The following PHF21B variants were observed in gnomAD, a reference collection of about 807,000 sequenced individuals.
PHF21B encodes PHD finger protein 4.
A neutral mutation model predicts 62.2 loss-of-function variants in PHF21B; 22 were observed. The ratio of observed to expected loss-of-function variants is 0.35; its 90% CI spans 0.25 to 0.51. The LOEUF (loss-of-function observed/expected upper bound fraction) is 0.51. Among genes scored for constraint, PHF21B ranks in the 20% least tolerant of loss-of-function variants. PHF21B has a pLI of 0.97. For missense variants in PHF21B, 701 were observed against 707.9 expected, an observed-to-expected ratio of 0.99 and a Z score of 0.11; for synonymous variants, 341 against 314.7, an observed-to-expected ratio of 1.08 and a Z score of -0.88.
At chr22:44,999,010 C>T (rs1466374745) in intron 2 of PHF21B, among the ~76,000 whole-genome samples, 1 of 152,196 alleles carries the variant, frequency 6.6e-6, no homozygotes, top group Non-Finnish European at 1.5e-5. Flanking sequence ...GGATACCCTC[C>T]TTTCTGCCAT....
chr22:44,960,961 T>C (rs867340832), intron 2 of PHF21B, among the ~76,000 whole-genome samples: 1 of 140,330 alleles, frequency 7.1e-6, no homozygotes, highest in African/African-American at 3.1e-5. Context: ...AGTTGATTTT[T>C]TTTTTTTTTT....
rs549041407 is a variant in PHF21B at position 44,915,709 on chromosome 22, G to T, written c.564+571C>A. Among the ~76,000 whole-genome samples the T allele has an allele frequency of 3.3e-5, 5 of 152,374 alleles. No homozygotes were observed. In the East Asian group the frequency reaches 5.8e-4, roughly 18 times the overall value. On this transcript the variant is annotated intron_variant, in intron 4 of 12. Transcript: ENST00000313237. The stretch of plus-strand genomic sequence containing the variant: ...GCAGACCCCAAATGGGGAACAGAGA[G>T]AAAGAGGCCACAGACAGGGGACGGC...
intron 4 of PHF21B, 32 bp from the exon 5 acceptor site, chr22:44,914,120 A>C: frequency 1.6e-6 from 1 of 625,350 alleles, no homozygotes; most frequent in Non-Finnish European, 2.8e-6. Flanking sequence ...CACAGGGAGG[A>C]AGGGAAGAGT....
chr22:44,977,231 G>A, intron 2 of PHF21B, among the ~76,000 whole-genome samples: 1 of 145,124 alleles, frequency 6.9e-6, no homozygotes, highest in East Asian at 1.9e-4. Context: ...TTCATTCCCA[G>A]ACTTTTTTTT....
chr22:44,940,418 C>T (rs1007486019), intron 2 of PHF21B, among the ~76,000 whole-genome samples: 5 of 152,222 alleles, frequency 3.3e-5, no homozygotes, highest in African/African-American at 7.2e-5. Context: ...GTTAATAAGC[C>T]GGAATAATGA....
At chr22:44,991,213 T>G (rs1378741704) in intron 2 of PHF21B, among the ~76,000 whole-genome samples, 1 of 152,154 alleles carries the variant, frequency 6.6e-6, no homozygotes, top group African/African-American at 2.4e-5. Flanking sequence ...GAAACCCTCC[T>G]TGAGAAGGCA....
intron 2 of PHF21B, among the ~76,000 whole-genome samples, chr22:44,967,384 C>T (rs5766242): frequency 0.76 from 115,329 of 151,752 alleles, 44,299 homozygotes; most frequent in East Asian, 0.86. Flanking sequence ...CCACACCTGG[C>T]TAATTTTTTT....
intron 2 of PHF21B, among the ~76,000 whole-genome samples, chr22:44,967,828 A>G (rs1276499544): frequency 6.6e-6 from 1 of 152,074 alleles, no homozygotes; most frequent in Admixed American, 6.5e-5. Context: ...CTGGGCTGGG[A>G]GAGTTTCTGA....
intron 2 of PHF21B, among the ~76,000 whole-genome samples, chr22:44,988,544 C>G (rs1444569418): frequency 6.6e-6 from 1 of 152,158 alleles, no homozygotes; most frequent in Admixed American, 6.5e-5. Flanking sequence ...AAAAAAATGA[C>G]TAGAAGTCCA....
At chr22:44,988,598 T>G (rs1160609276) in intron 2 of PHF21B, among the ~76,000 whole-genome samples, 9 of 152,228 alleles carry the variant, frequency 5.9e-5, no homozygotes, top group Admixed American at 5.9e-4. Context: ...AATTTGTGTC[T>G]GATGCTTATT....
intron 2 of PHF21B, chr22:45,003,444 C>T (rs897588442): frequency 6.6e-6 from 1 of 152,242 alleles, no homozygotes; most frequent in Non-Finnish European, 1.5e-5. Flanking sequence ...AAGATCTACA[C>T]AAGCAAGGCT....
intron 2 of PHF21B, among the ~76,000 whole-genome samples, chr22:44,962,061 T>C (rs1313134551): frequency 6.6e-6 from 1 of 152,136 alleles, no homozygotes; most frequent in African/African-American, 2.4e-5. Context: ...TGAGTAATGC[T>C]GAGATGTACA....
At chr22:45,006,719 G>A (rs958863592) in intron 2 of PHF21B, among the ~76,000 whole-genome samples, 3 of 152,050 alleles carry the variant, frequency 2.0e-5, no homozygotes, top group Non-Finnish European at 2.9e-5. Flanking sequence ...AAGCTCCTAG[G>A]TTATTGGATT....
chr22:44,975,187 C>T (rs2072714213), intron 2 of PHF21B, among the ~76,000 whole-genome samples: 1 of 152,198 alleles, frequency 6.6e-6, no homozygotes, highest in Admixed American at 6.5e-5. Context: ...ATCAAACCCA[C>T]CTTTTCTCCA....
intron 2 of PHF21B, among the ~76,000 whole-genome samples, chr22:44,981,462 C>T (rs1157960457): frequency 1.3e-5 from 2 of 152,232 alleles, no homozygotes; most frequent in East Asian, 1.9e-4. Context: ...CTGTCATGAA[C>T]CCAGCACCTC....
At chr22:44,935,374 C>G (rs764410412) in intron 2 of PHF21B, among the ~76,000 whole-genome samples, 15 of 151,844 alleles carry the variant, frequency 9.9e-5, no homozygotes, top group Non-Finnish European at 2.2e-4. Flanking sequence ...CAGCACTTTG[C>G]GAGGCTGAGA....
chr22:44,984,260 TCACCATCACCAC>T (rs2072907408), intron 2 of PHF21B, among the ~76,000 whole-genome samples: 1 of 39,484 alleles, frequency 2.5e-5, no homozygotes, highest in Non-Finnish European at 5.6e-5. Context: ...ACCATCATCA[TCACCATCACCAC>T]CACCACCACC....
intron 2 of PHF21B, among the ~76,000 whole-genome samples, chr22:45,007,250 A>G (rs990583923): frequency 6.7e-6 from 1 of 149,324 alleles, no homozygotes; most frequent in Non-Finnish European, 1.5e-5. Flanking sequence ...CCACTCGCGC[A>G]CGCCCCCTCC....
Position 44,887,845 on chromosome 22 carries a change from G to A in PHF21B, c.1197+118C>T, listed in dbSNP as rs925593475. 1.2e-5 allele frequency: 13 copies of A among 1,127,666 alleles called. 1 individual carries two copies. The Admixed American group carries it at 4.5e-4, about 39-fold the overall frequency. 69.9% of individuals were successfully genotyped at this position (1,127,666 alleles called of 1,614,324 possible). A position where few individuals can be genotyped will look rare whatever the true frequency, so the allele number is the denominator to read the frequency against. ...AGCCCCAAATGTCAATTGTGCTGAG[G>A]TTGAAAAAGCCTTCCTATACCCAAG... is the stretch of plus-strand genomic sequence containing the variant. On this transcript the variant is annotated intron_variant, in intron 10 of 12. Coordinates refer to ENST00000313237, the MANE Select transcript of PHF21B (RefSeq NM_138415.5).
Sources: allele counts gnomAD v4.1 joint callset (sites outside exome capture counted in the v4.1 genomes callset), GRCh38; gene constraint gnomAD v4.1.1; transcripts MANE v1.5; gene names NCBI Gene and HGNC (gene_info 2026-07-23, HGNC 2026-07-21).